SHTN1: variants seen among roughly 807,000 people sequenced by gnomAD.
SHTN1 encodes shootin-1.
In SHTN1, 42 loss-of-function variants were observed where a neutral mutation model predicts 83.1. The observed-to-expected ratio is 0.51, with a 90% confidence interval of 0.39 to 0.65. SHTN1 has a LOEUF of 0.65. Ranked by LOEUF, SHTN1 falls within the 30% of genes least tolerant of loss-of-function variation. SHTN1 has a pLI of 0.00. For synonymous variants in SHTN1, 224 were observed against 247.7 expected, an observed-to-expected ratio of 0.90 and a Z score of 0.90; for missense variants, 622 against 737.8, an observed-to-expected ratio of 0.84 and a Z score of 1.82.
chr10:117,053,473 A>G (rs1852777965), intron 1 of SHTN1, among the ~76,000 whole-genome samples: 1 of 152,206 alleles, frequency 6.6e-6, no homozygotes, highest in Admixed American at 6.5e-5. Flanking sequence ...ATGTTTCTCC[A>G]AAGATGATAT....
At chr10:117,054,917 T>C (rs1469815051) in intron 1 of SHTN1, among the ~76,000 whole-genome samples, 3 of 152,142 alleles carry the variant, frequency 2.0e-5, no homozygotes, top group Non-Finnish European at 4.4e-5. Flanking sequence ...CTCCCTGAAA[T>C]GTATAAAACT....
chr10:117,027,895 A>C (rs1033483237), intron 2 of SHTN1, among the ~76,000 whole-genome samples: 1 of 152,194 alleles, frequency 6.6e-6, no homozygotes, highest in Non-Finnish European at 1.5e-5. Flanking sequence ...ATGTGGAAGC[A>C]CCTTTGGAAC....
chr10:117,058,533 T>C (rs1852857124), intron 1 of SHTN1, among the ~76,000 whole-genome samples: 1 of 152,082 alleles, frequency 6.6e-6, no homozygotes, highest in African/African-American at 2.4e-5. Context: ...AAATAATACA[T>C]GCTGGTGGGG....
rs1268622437 is a variant in SHTN1, at chr10:116,952,001, G to A, written c.442C>T (p.Arg148Ter). The change falls in exon 6 of 17, where the codon CGA becomes TGA. Residue 148 changes from arginine to a stop codon, truncating the protein, a stop_gained. Coordinates refer to ENST00000355371, the MANE Select transcript of SHTN1 (RefSeq NM_001127211.3). LOFTEE classifies it high-confidence loss of function. ...VQCQKQIKEL[R>*]DQIVSVQEEK... ...TCCTGAACAGATACAATTTGATCTC[G>A]AAGTTCTGCATTTTTAAAGAAAAAA... The A allele has an allele frequency of 1.3e-6, 2 of 1,489,116 alleles. No individual in the cohort carries two copies. The highest frequency in any genetic ancestry group is 1.8e-6 in the Non-Finnish European group (2 of 1,112,092). The allele number at this position is 1,489,116 out of a possible 1,614,324, so 92.2% of individuals were successfully genotyped here. A position where few individuals can be genotyped will look rare whatever the true frequency, so the allele number is the denominator to read the frequency against.
chr10:117,116,200 CAAAT>C (rs1029459527), intron 1 of SHTN1, among the ~76,000 whole-genome samples: 2 of 151,248 alleles, frequency 1.3e-5, no homozygotes, highest in Non-Finnish European at 3.0e-5. Flanking sequence ...AGAGAAGACC[CAAAT>C]AAATAAAATC....
rs532655539 is a variant in SHTN1 at position 116,885,136 on chromosome 10, C to T, written c.*1208G>A. 9 of 152,744 alleles carry T rather than the reference C, an allele frequency of 5.9e-5. No individual in the cohort carries two copies. In the East Asian group the frequency reaches 9.6e-4, roughly 16 times the overall value. 9.5% of individuals were successfully genotyped at this position (152,744 alleles called of 1,614,324 possible). ...ACACGTGCAAAAATACAATACAATA[C>T]AACTACTGCAATTATTACTATCATT... On this transcript the variant is annotated 3_prime_UTR_variant, in exon 17 of 17. Transcript: ENST00000355371.
chr10:116,992,310 T>G (rs1172149110), intron 1 of SHTN1, among the ~76,000 whole-genome samples: 1 of 152,252 alleles, frequency 6.6e-6, no homozygotes, highest in Non-Finnish European at 1.5e-5. Flanking sequence ...TCCATTGATA[T>G]GCAGACTGCA....
Position 116,921,449 on chromosome 10 carries a change from T to C in SHTN1, c.1180A>G (p.Thr394Ala), listed in dbSNP as rs1422885754. 1.9e-6 allele frequency: 3 copies of C among 1,613,350 alleles called. No individual in the cohort carries two copies. In the Admixed American group the frequency reaches 5.0e-5, roughly 27 times the overall value. Residue 394 changes from threonine to alanine, a missense_variant, in exon 12 of 17, where the codon ACT becomes GCT. Thr to Ala is a moderately conservative substitution (Grantham distance 58). Transcript: ENST00000355371. ...SGSGAKKEKA[T>A]QPETTEEVTD... is the part of the protein sequence containing the mutation. ...TGATGCTTACTTGTTTCTGGTTGAG[T>C]TGCCTTTTCTTTCTTAGCACCACTG...
intron 2 of SHTN1, chr10:116,974,231 G>C: frequency 1.5e-6 from 1 of 679,760 alleles, no homozygotes; most frequent in Non-Finnish European, 1.8e-6. Context: ...ATAGATTGCT[G>C]TTAATAAGAG....
intron 1 of SHTN1, among the ~76,000 whole-genome samples, chr10:117,111,700 G>C (rs1316450862): frequency 6.6e-6 from 1 of 151,992 alleles, no homozygotes; most frequent in Non-Finnish European, 1.5e-5. Context: ...TATTCTGCTT[G>C]AACTCAAACC....
chr10:117,028,096 G>C (rs1487106584), intron 2 of SHTN1, among the ~76,000 whole-genome samples: 1 of 152,180 alleles, frequency 6.6e-6, no homozygotes, highest in Non-Finnish European at 1.5e-5. Flanking sequence ...TGGAGCAAAG[G>C]TCATTTTTTG....
At chr10:116,891,756 C>G (rs1295179153) in intron 16 of SHTN1, among the ~76,000 whole-genome samples, 1 of 151,998 alleles carries the variant, frequency 6.6e-6, no homozygotes, top group East Asian at 1.9e-4. Context: ...TTTTAATACA[C>G]TTGTCCAAAA....
intron 8 of SHTN1, among the ~76,000 whole-genome samples, chr10:116,942,837 C>A (rs1849433846): frequency 6.6e-6 from 1 of 152,196 alleles, no homozygotes; most frequent in Admixed American, 6.5e-5. Flanking sequence ...AATGTCAGCA[C>A]AGTGTCTGGC....
rs144373837 is a variant in SHTN1, at chr10:117,034,363, C to T, written c.-123+14082G>A. Among the ~76,000 whole-genome samples the T allele has an allele frequency of 6.4e-3, 979 of 152,200 alleles. 12 individuals carry two copies. Among genetic ancestry groups the T allele is most frequent in the African/African-American group, 0.023 (944 of 41,542 alleles). ...GCAGGATACAAAATCAACATATGGC[C>T]GGGCATGGTGGTTCACGCCTGTAAT... On this transcript the variant is annotated intron_variant, in intron 2 of 17. Transcript: ENST00000392901.
At chr10:116,916,684 G>A (rs906980202) in intron 12 of SHTN1, among the ~76,000 whole-genome samples, 1 of 152,174 alleles carries the variant, frequency 6.6e-6, no homozygotes, top group African/African-American at 2.4e-5. Flanking sequence ...TACAAGGCTA[G>A]ACTCCATTCC....
chr10:116,979,191 A>C, intron 2 of SHTN1, 65 bp downstream of exon 2: 1 of 1,316,586 alleles, frequency 7.6e-7, no homozygotes, highest in East Asian at 2.3e-5. Flanking sequence ...GTGACTGAAC[A>C]ATGCACTATG....
upstream of SHTN1, among the ~76,000 whole-genome samples, chr10:117,006,739 TGG>T (rs1367911101): frequency 2.0e-5 from 3 of 152,106 alleles, no homozygotes; most frequent in East Asian, 5.8e-4. Context: ...GCTCTTAGTT[TGG>T]GTACAGCAAC....
Position 116,903,920 on chromosome 10 carries a change from C to T in SHTN1, c.1481-1963G>A, listed in dbSNP as rs556211483. Among the ~76,000 whole-genome samples the T allele has an allele frequency of 9.2e-5, 14 of 152,292 alleles. No homozygotes were observed. The South Asian group carries it at 2.7e-3, about 29-fold the overall frequency. On this transcript the variant is annotated intron_variant, in intron 15 of 16. Transcript: ENST00000355371. Reference sequence around the variant, plus strand: ...CCTGTTTAAGCCACCCAGTGTTCTCCAAGAGGCACTTGCTGCTCTTTGAAA... The same window carrying T: ...CCTGTTTAAGCCACCCAGTGTTCTCTAAGAGGCACTTGCTGCTCTTTGAAA...
At chr10:116,980,027 AG>A (rs1393575855) in intron 1 of SHTN1, among the ~76,000 whole-genome samples, 2 of 151,262 alleles carry the variant, frequency 1.3e-5, no homozygotes, top group Non-Finnish European at 2.9e-5. Context: ...CACTAGGTAG[AG>A]GGGAAAGTTG....
Sources: gnomAD v4.1 joint callset for allele counts (sites outside exome capture counted in the v4.1 genomes callset) on GRCh38, gnomAD v4.1.1 for gene constraint, MANE v1.5 for transcripts, NCBI Gene and HGNC (gene_info 2026-07-23, HGNC 2026-07-21) for gene names.